The following TIAM1 variants were observed in gnomAD, a reference collection of about 807,000 sequenced individuals.
The protein encoded by TIAM1 is TIAM Rac1 associated GEF 1.
Under a neutral mutation model 163.5 loss-of-function variants are expected in TIAM1, and 65 were observed. The ratio of observed to expected loss-of-function variants is 0.40; its 90% CI spans 0.33 to 0.49. TIAM1 has a LOEUF of 0.49. Among genes scored for constraint, TIAM1 ranks in the 20% least tolerant of loss-of-function variants. TIAM1 has a pLI of 0.77. For synonymous variants in TIAM1, 833 were observed against 810.1 expected (o/e 1.03, Z -0.48); for missense variants, 1,789 against 2,044.7 (o/e 0.87, Z 2.41).
chr21:31,164,148 T>G (rs2084078993), intron 16 of TIAM1, among the ~76,000 whole-genome samples: 1 of 152,184 alleles, frequency 6.6e-6, no homozygotes, highest in African/African-American at 2.4e-5. Flanking sequence ...CCCAGCACTT[T>G]GGGAGGCCAA....
chr21:31,385,327 TA>T (rs1304517455), intron 2 of TIAM1, among the ~76,000 whole-genome samples: 2 of 152,122 alleles, frequency 1.3e-5, no homozygotes, highest in African/African-American at 4.8e-5. Flanking sequence ...TATAGATTTT[TA>T]AAAAACAGAC....
chr21:31,432,102 T>C (rs939819625), intron 2 of TIAM1, among the ~76,000 whole-genome samples: 1 of 135,266 alleles, frequency 7.4e-6, no homozygotes, highest in Non-Finnish European at 1.6e-5. Context: ...TTTTTTTTTT[T>C]TTTTTTTTTT....
Position 31,219,230 on chromosome 21 carries a change from C to T in TIAM1, c.1996-1531G>A, listed in dbSNP as rs575987041. On this transcript the variant is annotated intron_variant, in intron 8 of 27. Transcript: ENST00000541036. The stretch of plus-strand genomic sequence containing the variant: ...CATTCAGGCTTGAACTTTATCCTAC[C>T]AGGTGGCAAGCAAAGTCCCAGGAAT... 3.8e-3 allele frequency among the ~76,000 whole-genome samples: 497 copies of T among 132,410 alleles called. 4 individuals are homozygous for T. Among genetic ancestry groups the T allele is most frequent in the African/African-American group, 0.02 (461 of 23,098 alleles). The allele number at this position is 132,410 out of a possible 152,430, so 86.9% of individuals were successfully genotyped here. A position where few individuals can be genotyped will look rare whatever the true frequency, so the allele number is the denominator to read the frequency against.
intron 2 of TIAM1, among the ~76,000 whole-genome samples, chr21:31,462,388 C>A (rs1306317822): frequency 6.6e-6 from 1 of 152,180 alleles, no homozygotes; most frequent in African/African-American, 2.4e-5. Flanking sequence ...TGAAAGAACA[C>A]AGTAGGAATA....
intron 3 of TIAM1, among the ~76,000 whole-genome samples, chr21:31,273,639 T>A (rs1476730039): frequency 2.0e-5 from 3 of 152,088 alleles, no homozygotes; most frequent in Non-Finnish European, 4.4e-5. Context: ...AAATCAATAT[T>A]CTCCAGATGA....
chr21:31,532,805 C>T (rs766666261), intron 1 of TIAM1, among the ~76,000 whole-genome samples: 6 of 152,024 alleles, frequency 3.9e-5, no homozygotes, highest in Non-Finnish European at 7.4e-5. Flanking sequence ...AAAATTAGCC[C>T]GTGTGGTGGC....
intron 2 of TIAM1, among the ~76,000 whole-genome samples, chr21:31,284,720 T>A (rs1569161583): frequency 6.6e-6 from 1 of 151,882 alleles, no homozygotes; most frequent in Non-Finnish European, 1.5e-5. Flanking sequence ...GTGATGGGGT[T>A]TCACCAAGTT....
intron 1 of TIAM1, among the ~76,000 whole-genome samples, chr21:31,525,181 C>G (rs543402431): frequency 6.6e-6 from 1 of 151,914 alleles, no homozygotes; most frequent in Non-Finnish European, 1.5e-5. Flanking sequence ...ACCAGCCTGG[C>G]CAACATGGTG....
At chr21:31,247,078 G>T (rs757804995) in intron 5 of TIAM1, among the ~76,000 whole-genome samples, 75 of 152,036 alleles carry the variant, frequency 4.9e-4, no homozygotes, top group Non-Finnish European at 1.0e-4. Flanking sequence ...GCAGCACTTT[G>T]GGAGGACAAG....
chr21:31,262,619 ACTC>A (rs2072540892), intron 4 of TIAM1, among the ~76,000 whole-genome samples: 1 of 152,218 alleles, frequency 6.6e-6, no homozygotes, highest in Non-Finnish European at 1.5e-5. Context: ...TTAAATGTGA[ACTC>A]CTGTGACTTC....
chr21:31,319,322 G>A (rs1825867506), intron 2 of TIAM1, among the ~76,000 whole-genome samples: 1 of 152,174 alleles, frequency 6.6e-6, no homozygotes. Context: ...ATACGTGGAA[G>A]TGGAATTGTG....
At chr21:31,386,098 T>C in intron 2 of TIAM1, among the ~76,000 whole-genome samples, 1 of 152,076 alleles carries the variant, frequency 6.6e-6, no homozygotes. Context: ...TGCTGGGGTA[T>C]GCTATGTGGA....
upstream of TIAM1, among the ~76,000 whole-genome samples, chr21:31,347,314 C>T (rs1333231777): frequency 6.6e-6 from 1 of 152,144 alleles, no homozygotes; most frequent in Non-Finnish European, 1.5e-5. Flanking sequence ...AGGCCCCAGG[C>T]ATTGGCCTTG....
In TIAM1 at chr21:31,251,724, G is replaced by C. The variant is rs749834250; in HGVS notation, c.1411+18C>G. ...TATTGGTGCATTTGGCACATAGCCG[G>C]GGCCCTCCCGCTCTCACCTTTCAGG... is the stretch of plus-strand genomic sequence containing the variant. On this transcript the variant is annotated intron_variant, in intron 5 of 27. Coordinates refer to ENST00000541036, the MANE Select transcript of TIAM1 (RefSeq NM_001353694.2). The C allele has an allele frequency of 6.4e-7, 1 of 1,558,968 alleles. No homozygotes were observed.
chr21:31,459,557 T>TAAGGCCCAC (rs1208210830), intron 2 of TIAM1, among the ~76,000 whole-genome samples: 3 of 152,078 alleles, frequency 2.0e-5, no homozygotes, highest in Non-Finnish European at 4.4e-5. Flanking sequence ...GCCCCAGATG[T>TAAGGCCCAC]TTAATTATTA....
chr21:31,525,326 G>A (rs949522819), intron 1 of TIAM1, among the ~76,000 whole-genome samples: 8 of 148,904 alleles, frequency 5.4e-5, no homozygotes, highest in East Asian at 2.0e-4. Context: ...CTGAGATTGC[G>A]CCACGCACTC....
At chr21:31,329,042 T>A (rs1326442651) in intron 2 of TIAM1, among the ~76,000 whole-genome samples, 1 of 152,192 alleles carries the variant, frequency 6.6e-6, no homozygotes, top group Non-Finnish European at 1.5e-5. Flanking sequence ...TGATTTCAAA[T>A]GTGTGGAAGG....
chr21:31,379,920 T>C (rs1350213740), intron 2 of TIAM1, among the ~76,000 whole-genome samples: 1 of 152,150 alleles, frequency 6.6e-6, no homozygotes, highest in Non-Finnish European at 1.5e-5. Context: ...GTTTCTTCTG[T>C]CCTAAGAACA....
rs566891488 is a variant in TIAM1 at position 31,423,998 on chromosome 21, G to A, written c.-369+39985C>T. On this transcript the variant is annotated intron_variant, in intron 2 of 28. Coordinates refer to the TIAM1 transcript ENST00000286827. ...AAAACCACTGAATTATACACTTTAC[G>A]TGCATGAATTGCACGGTGTGTGAAT... 2.6e-5 allele frequency among the ~76,000 whole-genome samples: 4 copies of A among 152,148 alleles called. No individual in the cohort carries two copies. In the South Asian group the frequency reaches 8.3e-4, roughly 32 times the overall value.
Sources: allele counts gnomAD v4.1 joint callset (sites outside exome capture counted in the v4.1 genomes callset), GRCh38; gene constraint gnomAD v4.1.1; transcripts MANE v1.5; gene names NCBI Gene and HGNC (gene_info 2026-07-23, HGNC 2026-07-21).